The following CFDP1 variants were observed in gnomAD, a reference collection of about 807,000 sequenced individuals.
CFDP1 encodes the protein heterochromatin-stabilizing protein CFDP1.
In CFDP1, 31 loss-of-function variants were observed where a neutral mutation model predicts 40.1. The observed-to-expected ratio is 0.77, with a 90% CI of 0.58 to 1.04. CFDP1 has a LOEUF of 1.04. Among genes scored for constraint, CFDP1 ranks in the 50% least tolerant of loss-of-function variants. The pLI is 0.00. For missense variants in CFDP1, 423 were observed against 343.4 expected (o/e 1.23, Z -1.83); for synonymous variants, 167 against 120.0 (o/e 1.39, Z -2.56).
chr16:75,339,186 TTCTA>T (rs962885110), intron 5 of CFDP1, among the ~76,000 whole-genome samples: 1 of 152,114 alleles, frequency 6.6e-6, no homozygotes, highest in Non-Finnish European at 1.5e-5. Flanking sequence ...CTGTCAGCCT[TTCTA>T]TCTCTTTGTC....
intron 4 of CFDP1, among the ~76,000 whole-genome samples, chr16:75,402,737 C>G (rs763897863): frequency 1.3e-5 from 2 of 152,012 alleles, no homozygotes; most frequent in African/African-American, 4.8e-5. Flanking sequence ...AAATTTGTAT[C>G]TGTTATCAAT....
intron 5 of CFDP1, among the ~76,000 whole-genome samples, chr16:75,364,764 A>G (rs555698906): frequency 3.6e-4 from 55 of 152,374 alleles, no homozygotes; most frequent in African/African-American, 1.3e-3. Context: ...AAATAAGTTA[A>G]TGTTTTAAAT....
At chr16:75,304,599 A>T (rs1295253884) in intron 6 of CFDP1, among the ~76,000 whole-genome samples, 1 of 152,218 alleles carries the variant, frequency 6.6e-6, no homozygotes, top group African/African-American at 2.4e-5. Context: ...ACAAAAAAAA[A>T]TTCACAATAA....
At chr16:75,379,183 A>C (rs757984062) in intron 5 of CFDP1, among the ~76,000 whole-genome samples, 2 of 151,422 alleles carry the variant, frequency 1.3e-5, no homozygotes, top group Non-Finnish European at 2.9e-5. Context: ...GAATCTAGTA[A>C]AAAAAAAGAG....
intron 5 of CFDP1, among the ~76,000 whole-genome samples, chr16:75,377,820 A>C (rs780596102): frequency 2.0e-5 from 3 of 152,204 alleles, no homozygotes; most frequent in Non-Finnish European, 4.4e-5. Flanking sequence ...CAGTTGCCCC[A>C]AACTGCTTTA....
At chr16:75,330,111 C>T (rs938813963) in intron 5 of CFDP1, among the ~76,000 whole-genome samples, 8 of 152,192 alleles carry the variant, frequency 5.3e-5, no homozygotes, top group African/African-American at 1.9e-4. Context: ...TCACTAGCAG[C>T]GCACTAAGGG....
intron 1 of CFDP1, among the ~76,000 whole-genome samples, chr16:75,427,470 C>G (rs888787502): frequency 2.0e-5 from 3 of 152,122 alleles, no homozygotes; most frequent in Non-Finnish European, 2.9e-5. Flanking sequence ...CCAGGCTGGT[C>G]TTGGACTCCT....
intron 4 of CFDP1, among the ~76,000 whole-genome samples, chr16:75,397,129 T>C (rs1213298230): frequency 1.3e-5 from 2 of 151,888 alleles, no homozygotes; most frequent in South Asian, 2.1e-4. Flanking sequence ...TTAGCCAGGA[T>C]GGTCTTGATC....
intron 1 of CFDP1, among the ~76,000 whole-genome samples, chr16:75,423,575 T>C (rs1008914144): frequency 2.0e-5 from 3 of 151,946 alleles, no homozygotes; most frequent in South Asian, 2.1e-4. Flanking sequence ...AGAGCAGTGG[T>C]GCGATCTCCG....
At chr16:75,317,398 T>C (rs1597327071) in intron 5 of CFDP1, among the ~76,000 whole-genome samples, 3 of 152,128 alleles carry the variant, frequency 2.0e-5, no homozygotes, top group African/African-American at 7.2e-5. Context: ...GGGGGAGTCC[T>C]GGCAAAGCAG....
intron 1 of CFDP1, among the ~76,000 whole-genome samples, chr16:75,426,350 C>A (rs1005147904): frequency 4.7e-5 from 7 of 150,212 alleles, no homozygotes; most frequent in Non-Finnish European, 7.4e-5. Context: ...AACTCTATCT[C>A]AAAAAAACAA....
intron 5 of CFDP1, among the ~76,000 whole-genome samples, chr16:75,309,423 G>A (rs2078279104): frequency 6.6e-6 from 1 of 152,042 alleles, no homozygotes; most frequent in Non-Finnish European, 1.5e-5. Context: ...ACTATGGCTA[G>A]CAGGGGACAA....
intron 5 of CFDP1, chr16:75,305,406 C>T (rs1196597048): frequency 2.6e-5 from 13 of 505,646 alleles, no homozygotes; most frequent in East Asian, 6.7e-5. Context: ...TCCTGAGCTA[C>T]GAACAGGAAA....
chr16:75,348,562 A>C (rs77863204), intron 5 of CFDP1, among the ~76,000 whole-genome samples: 1 of 152,180 alleles, frequency 6.6e-6, no homozygotes, highest in Non-Finnish European at 1.5e-5. Context: ...GCAGTAGACC[A>C]TAAGTTGTTT....
intron 5 of CFDP1, among the ~76,000 whole-genome samples, chr16:75,384,360 CAA>C (rs770350159): frequency 6.6e-6 from 1 of 151,060 alleles, no homozygotes; most frequent in East Asian, 1.9e-4. Context: ...GACTCCATCT[CAA>C]AAAAAAGAGA....
intron 5 of CFDP1, among the ~76,000 whole-genome samples, chr16:75,382,690 T>C (rs750682264): frequency 3.3e-5 from 5 of 152,346 alleles, no homozygotes; most frequent in Middle Eastern, 3.4e-3. Context: ...AAACTTTTCC[T>C]CCAAGTTTTG....
At chr16:75,363,514 G>T (rs2078693575) in intron 5 of CFDP1, among the ~76,000 whole-genome samples, 1 of 151,762 alleles carries the variant, frequency 6.6e-6, no homozygotes, top group Non-Finnish European at 1.5e-5. Context: ...TCCTGCCTCA[G>T]CCTCCCGAGT....
chr16:75,350,747 C>A (rs968410387), intron 5 of CFDP1, among the ~76,000 whole-genome samples: 13 of 151,684 alleles, frequency 8.6e-5, no homozygotes, highest in African/African-American at 2.9e-4. Flanking sequence ...TACTTTGCAT[C>A]CGAAAACAAA....
intron 5 of CFDP1, among the ~76,000 whole-genome samples, chr16:75,354,261 GCATTTATTGGGA>G (rs2078631987): frequency 6.6e-6 from 1 of 152,172 alleles, no homozygotes; most frequent in African/African-American, 2.4e-5. Context: ...AACTTACAAT[GCATTTATTGGGA>G]CATAACCCCA....
Sources: gnomAD v4.1 joint callset for allele counts (sites outside exome capture counted in the v4.1 genomes callset) on GRCh38, gnomAD v4.1.1 for gene constraint, MANE v1.5 for transcripts, NCBI Gene and HGNC (gene_info 2026-07-23, HGNC 2026-07-21) for gene names.